Variants in STIM2 observed in about 807,000 individuals in gnomAD.
STIM2 encodes the protein stromal interaction molecule 2.
A neutral mutation model predicts 85.8 loss-of-function variants in STIM2; 31 were observed. The observed-to-expected ratio is 0.36, with a 90% CI of 0.27 to 0.49. STIM2 has a LOEUF of 0.49. Ranked by LOEUF, STIM2 falls within the 20% of genes least tolerant of loss-of-function variation. The pLI is 0.98. For missense variants in STIM2, 841 were observed against 927.6 expected (o/e 0.91, Z 1.21); for synonymous variants, 356 against 331.1 (o/e 1.08, Z -0.82).
chr4:26,966,716 G>A (rs1349768910), intron 3 of STIM2, among the ~76,000 whole-genome samples: 1 of 151,912 alleles, frequency 6.6e-6, no homozygotes, highest in Non-Finnish European at 1.5e-5. Flanking sequence ...GTATATTTAT[G>A]TATATATTAC....
intron 1 of STIM2, among the ~76,000 whole-genome samples, chr4:26,880,193 G>A (rs147383163): frequency 1.3e-5 from 2 of 152,254 alleles, no homozygotes; most frequent in East Asian, 3.9e-4. Flanking sequence ...TTCTGCTGCT[G>A]GAGTATGTGA....
chr4:26,876,178 ATTT>A, intron 1 of STIM2, among the ~76,000 whole-genome samples: 1 of 152,304 alleles, frequency 6.6e-6, no homozygotes, highest in East Asian at 1.9e-4. Flanking sequence ...GGGTAAACTT[ATTT>A]AAGAAGTCTT....
chr4:26,884,674 C>T (rs58968032), intron 1 of STIM2, among the ~76,000 whole-genome samples: 35,432 of 152,182 alleles, frequency 0.23, 4,169 homozygotes, highest in East Asian at 0.42. Context: ...AGTAGAAACA[C>T]CCTGTTTATT....
chr4:26,885,712 TGTTTACCTTG>T (rs1203921537), intron 1 of STIM2, among the ~76,000 whole-genome samples: 1 of 150,936 alleles, frequency 6.6e-6, no homozygotes, highest in Non-Finnish European at 1.5e-5. Flanking sequence ...ATATACAAAT[TGTTTACCTTG>T]GTTACCAGGC....
chr4:26,893,585 T>C (rs1037659160), intron 1 of STIM2, among the ~76,000 whole-genome samples: 1 of 152,212 alleles, frequency 6.6e-6, no homozygotes, highest in Non-Finnish European at 1.5e-5. Flanking sequence ...TTTTGACCTT[T>C]TATGAACAGT....
At chr4:26,933,932 G>C (rs554775576) in intron 2 of STIM2, among the ~76,000 whole-genome samples, 4 of 152,020 alleles carry the variant, frequency 2.6e-5, no homozygotes, top group Non-Finnish European at 5.9e-5. Flanking sequence ...ATTGGCTCAC[G>C]CCTGTAATCC....
At chr4:27,007,928 A>G in intron 8 of STIM2, 1 of 724,414 alleles carries the variant, frequency 1.4e-6, no homozygotes, top group South Asian at 1.6e-5. Flanking sequence ...TGATTTAAAC[A>G]TTATTCTTTT....
intron 1 of STIM2, among the ~76,000 whole-genome samples, chr4:26,896,542 T>G (rs1293592826): frequency 1.3e-5 from 2 of 152,228 alleles, no homozygotes; most frequent in Non-Finnish European, 2.9e-5. Context: ...CCTGAATTTT[T>G]TTAAAAAACG....
intron 3 of STIM2, among the ~76,000 whole-genome samples, chr4:26,991,159 A>C (rs1283808417): frequency 2.0e-5 from 3 of 152,302 alleles, no homozygotes; most frequent in East Asian, 3.9e-4. Flanking sequence ...TATTCACAAT[A>C]GGCAAGATGT....
intron 1 of STIM2, chr4:26,873,983 G>T: frequency 1.0e-6 from 1 of 965,110 alleles, no homozygotes; most frequent in Non-Finnish European, 1.7e-6. Flanking sequence ...GCTCTTCTGT[G>T]CCCCTCTCTT....
chr4:26,920,204 C>T (rs899253120), intron 2 of STIM2, among the ~76,000 whole-genome samples: 2 of 152,124 alleles, frequency 1.3e-5, no homozygotes, highest in Non-Finnish European at 2.9e-5. Flanking sequence ...AGGGTAAGTT[C>T]CCATGTGCAA....
chr4:26,934,988 G>A (rs528460791), intron 2 of STIM2, among the ~76,000 whole-genome samples: 3 of 151,554 alleles, frequency 2.0e-5, no homozygotes, highest in African/African-American at 7.3e-5. Context: ...CAGAGAATGA[G>A]TGAGGCAGAA....
rs531610020 is a variant in STIM2 at position 26,997,178 on chromosome 4, A to G, written c.509+1688A>G. 3.3e-5 allele frequency among the ~76,000 whole-genome samples: 5 copies of G among 152,300 alleles called. No homozygotes were observed. In the South Asian group the frequency reaches 8.3e-4, roughly 25 times the overall value. On this transcript the variant is annotated intron_variant, in intron 4 of 11. Transcript: ENST00000467087. Reference sequence around the variant, plus strand: ...GGGGCAATATCAATTAATTTCAATTATTATGTAAGTTCCAGAGCTCTTTGT... The same window carrying G: ...GGGGCAATATCAATTAATTTCAATTGTTATGTAAGTTCCAGAGCTCTTTGT...
chr4:27,021,388 C>T (rs772923369), intron 11 of STIM2: 8 of 438,372 alleles, frequency 1.8e-5, no homozygotes, highest in Admixed American at 4.9e-5. Flanking sequence ...CAGTAACCTG[C>T]GTACCCTGGA....
intron 3 of STIM2, among the ~76,000 whole-genome samples, chr4:26,965,413 G>T (rs1336364403): frequency 6.6e-6 from 1 of 152,072 alleles, no homozygotes; most frequent in Admixed American, 6.6e-5. Flanking sequence ...TTAATCATTA[G>T]TTATAATTGA....
rs187563060 is a variant in STIM2 at position 26,870,045 on chromosome 4, G to A, written c.151+8676G>A. Among the ~76,000 whole-genome samples the A allele has an allele frequency of 2.6e-5, 4 of 152,178 alleles. No homozygotes were observed. In the East Asian group the frequency reaches 7.7e-4, roughly 29 times the overall value. ...CGTGGAGGACATTATGCTAAGTGAAGTAACGCAGCCATAGAAAGACAAATA... is the reference window on the plus strand; with the variant it reads ...CGTGGAGGACATTATGCTAAGTGAAATAACGCAGCCATAGAAAGACAAATA... On this transcript the variant is annotated intron_variant, in intron 1 of 11. Coordinates refer to ENST00000467087, the MANE Select transcript of STIM2 (RefSeq NM_020860.4).
At chr4:26,970,888 A>G (rs1726923118) in intron 3 of STIM2, among the ~76,000 whole-genome samples, 1 of 152,108 alleles carries the variant, frequency 6.6e-6, no homozygotes. Flanking sequence ...ATTTCTCCAC[A>G]TCCTCTCCAG....
chr4:27,021,795 T>C (rs1728923319), intron 11 of STIM2, among the ~76,000 whole-genome samples: 1 of 152,088 alleles, frequency 6.6e-6, no homozygotes, highest in Non-Finnish European at 1.5e-5. Flanking sequence ...TAATAAGGAA[T>C]GGTGGATTTG....
intron 3 of STIM2, among the ~76,000 whole-genome samples, chr4:26,962,671 T>G (rs569557893): frequency 6.6e-6 from 1 of 151,804 alleles, no homozygotes; most frequent in African/African-American, 2.4e-5. Flanking sequence ...CTAATGCAAA[T>G]GAAAGCCATT....
Sources: gnomAD v4.1 joint callset for allele counts (sites outside exome capture counted in the v4.1 genomes callset) on GRCh38, gnomAD v4.1.1 for gene constraint, MANE v1.5 for transcripts, NCBI Gene and HGNC (gene_info 2026-07-23, HGNC 2026-07-21) for gene names.